Variants in PCCA observed in about 807,000 individuals in gnomAD.
PCCA encodes the protein propionyl-CoA carboxylase alpha chain, mitochondrial.
Under a neutral mutation model 101.3 loss-of-function variants are expected in PCCA, and 74 were observed. That is an observed-to-expected ratio of 0.73 (90% CI 0.61 to 0.89). The LOEUF is 0.89. PCCA is among the 40% of genes least tolerant of loss of function. The pLI is 0.00. For synonymous variants in PCCA, 294 were observed against 313.6 expected, an observed-to-expected ratio of 0.94 and a Z score of 0.66; for missense variants, 891 against 907.0, an observed-to-expected ratio of 0.98 and a Z score of 0.23.
chr13:100,486,132 T>G (rs2084356913), intron 21 of PCCA, among the ~76,000 whole-genome samples: 1 of 152,252 alleles, frequency 6.6e-6, no homozygotes, highest in Non-Finnish European at 1.5e-5. Flanking sequence ...TGCCTCATTC[T>G]CTGTCATTCC....
At chr13:100,421,079 C>A (rs780536105) in intron 19 of PCCA, among the ~76,000 whole-genome samples, 3 of 151,994 alleles carry the variant, frequency 2.0e-5, no homozygotes, top group African/African-American at 7.2e-5. Context: ...TGGTGGCAGG[C>A]GCCTGTAATT....
At chr13:100,433,094 A>G (rs2079670357) in intron 20 of PCCA, among the ~76,000 whole-genome samples, 1 of 152,194 alleles carries the variant, frequency 6.6e-6, no homozygotes, top group African/African-American at 2.4e-5. Context: ...TTATGCTTCC[A>G]TGAGCATGGG....
At chr13:100,375,969 T>G (rs2075873417) in intron 19 of PCCA, among the ~76,000 whole-genome samples, 1 of 152,178 alleles carries the variant, frequency 6.6e-6, no homozygotes, top group South Asian at 2.1e-4. Context: ...TTCCTCATCT[T>G]TATGGATTTA....
chr13:100,298,043 C>T (rs981155411), intron 12 of PCCA, among the ~76,000 whole-genome samples: 1 of 150,882 alleles, frequency 6.6e-6, no homozygotes, highest in South Asian at 2.1e-4. Flanking sequence ...TATTCACATG[C>T]TAATACGTTA....
Position 100,309,897 on chromosome 13 carries a change from A to G in PCCA, c.1418A>G (p.Tyr473Cys), listed in dbSNP as rs2066770739. The G allele has an allele frequency of 3.1e-6, 5 of 1,609,044 alleles. No individual in the cohort carries two copies. The highest frequency in any genetic ancestry group is 4.5e-5 in the East Asian group (2 of 44,800). ...LKRMADALDN[Y>C]VIRGVTHNIA... ...AGAATGGCAGATGCACTGGATAACT[A>G]TGTTATTCGAGGTAAAAACAAAGAT... is the stretch of plus-strand genomic sequence containing the variant. The change falls in exon 16 of 24, where the codon TAT becomes TGT. Residue 473 changes from tyrosine (Y) to cysteine (C), a missense_variant. Physicochemically the swap from Tyr to Cys is radical, Grantham distance 194. Transcript: ENST00000376285.
chr13:100,307,317 A>C, intron 15 of PCCA, 57 bp downstream of exon 15: 1 of 1,169,630 alleles, frequency 8.5e-7, no homozygotes, highest in Non-Finnish European at 1.3e-6. Context: ...ATGATATTTA[A>C]AGAGTCTGAA....
At chr13:100,456,672 C>T (rs565344255) in intron 21 of PCCA, among the ~76,000 whole-genome samples, 3 of 152,260 alleles carry the variant, frequency 2.0e-5, no homozygotes, top group African/African-American at 7.2e-5. Flanking sequence ...GAGAAGGCAG[C>T]ATACGTCAGC....
intron 4 of PCCA, among the ~76,000 whole-genome samples, chr13:100,136,417 C>T (rs1426118285): frequency 1.3e-5 from 2 of 152,072 alleles, no homozygotes; most frequent in Non-Finnish European, 2.9e-5. Context: ...AACTCCCAAC[C>T]TCAGGTGATC....
chr13:100,367,479 T>TTG (rs151316391), intron 18 of PCCA, among the ~76,000 whole-genome samples: 3,066 of 149,506 alleles, frequency 0.021, 53 homozygotes, highest in Admixed American at 0.036. Flanking sequence ...ATTTAGGGTT[T>TTG]TGTGTGTGTG....
At chr13:100,194,511 G>A (rs769286846) in intron 6 of PCCA, among the ~76,000 whole-genome samples, 3 of 152,054 alleles carry the variant, frequency 2.0e-5, no homozygotes, top group South Asian at 2.1e-4. Flanking sequence ...TCCGCCTCCC[G>A]GGTTCAAGCA....
At chr13:100,320,803 G>A (rs1376947933) in intron 16 of PCCA, among the ~76,000 whole-genome samples, 1 of 152,194 alleles carries the variant, frequency 6.6e-6, no homozygotes, top group Non-Finnish European at 1.5e-5. Context: ...CTAGGCTGGA[G>A]TGCAGTGGCA....
chr13:100,480,048 G>A (rs765903097), intron 21 of PCCA, among the ~76,000 whole-genome samples: 6 of 152,180 alleles, frequency 3.9e-5, no homozygotes, highest in African/African-American at 9.6e-5. Context: ...AACCTATGGA[G>A]CATTTACTCT....
chr13:100,440,065 C>G (rs369404231), intron 20 of PCCA, among the ~76,000 whole-genome samples: 7 of 149,548 alleles, frequency 4.7e-5, no homozygotes, highest in Admixed American at 3.4e-4. Flanking sequence ...TTAAAGCAGA[C>G]AAATTTGGAA....
chr13:100,128,701 G>C (rs986525861), intron 4 of PCCA, among the ~76,000 whole-genome samples: 1 of 152,070 alleles, frequency 6.6e-6, no homozygotes, highest in African/African-American at 2.4e-5. Context: ...CTCATGTTAA[G>C]TCCAGTGGAC....
intron 14 of PCCA, among the ~76,000 whole-genome samples, chr13:100,306,577 A>G (rs2066469178): frequency 1.3e-5 from 2 of 152,088 alleles, no homozygotes; most frequent in Admixed American, 6.5e-5. Flanking sequence ...TCAAAAGAAT[A>G]TTTTGAACTT....
chr13:100,192,667 A>C (rs2057815624), intron 6 of PCCA, among the ~76,000 whole-genome samples: 1 of 152,214 alleles, frequency 6.6e-6, no homozygotes, highest in Admixed American at 6.5e-5. Flanking sequence ...AGATCACGCC[A>C]CTGCACTCCA....
At chr13:100,212,988 A>G (rs4772273) in intron 7 of PCCA, among the ~76,000 whole-genome samples, 107,242 of 151,876 alleles carry the variant, frequency 0.71, 38,934 homozygotes, top group African/African-American at 0.88. Flanking sequence ...AACATGTCAA[A>G]TTTGTCTTTC....
chr13:100,267,664 A>T (rs1371606652), intron 10 of PCCA, among the ~76,000 whole-genome samples: 1 of 152,184 alleles, frequency 6.6e-6, no homozygotes, highest in Non-Finnish European at 1.5e-5. Context: ...TCAACACCTT[A>T]AATCTGAAAA....
intron 7 of PCCA, among the ~76,000 whole-genome samples, chr13:100,231,820 C>T (rs2060487064): frequency 6.6e-6 from 1 of 152,054 alleles, no homozygotes; most frequent in African/African-American, 2.4e-5. Context: ...GGTCTTCCTG[C>T]CTGGGCCTCC....
Sources: gnomAD v4.1 joint callset for allele counts (sites outside exome capture counted in the v4.1 genomes callset) on GRCh38, gnomAD v4.1.1 for gene constraint, MANE v1.5 for transcripts, NCBI Gene and HGNC (gene_info 2026-07-23, HGNC 2026-07-21) for gene names.